Variants in NUBP1 observed in about 807,000 individuals in gnomAD.
NUBP1 encodes the protein NUBP iron-sulfur cluster assembly factor 1, cytosolic.
In NUBP1, 46 loss-of-function variants were observed where a neutral mutation model predicts 41.8. That is an observed-to-expected ratio of 1.10 (90% CI 0.87 to 1.41). NUBP1 has a LOEUF of 1.41. Among genes scored for constraint, NUBP1 ranks in the 40% most tolerant of loss-of-function variants. The probability of loss-of-function intolerance (pLI) is 0.00; values close to 1 mark genes in which losing one functional copy is unlikely to be tolerated. For synonymous variants in NUBP1, 189 were observed against 154.6 expected, an observed-to-expected ratio of 1.22 and a Z score of -1.65; for missense variants, 494 against 414.0, an observed-to-expected ratio of 1.19 and a Z score of -1.68.
intron 2 of NUBP1, among the ~76,000 whole-genome samples, chr16:10,744,850 C>G (rs1235289813): frequency 6.6e-6 from 1 of 150,872 alleles, no homozygotes; most frequent in Non-Finnish European, 1.5e-5. Context: ...TTTCACCTCT[C>G]AGGTTCAAGC....
intron 3 of NUBP1, among the ~76,000 whole-genome samples, chr16:10,751,367 G>A (rs914271484): frequency 1.3e-5 from 2 of 152,132 alleles, no homozygotes; most frequent in African/African-American, 4.8e-5. Context: ...CAGGTTTTCC[G>A]ATGATGTCGC....
intron 8 of NUBP1, 72 bp from the exon 9 acceptor site, chr16:10,761,685 C>G: frequency 1.9e-6 from 2 of 1,074,128 alleles, no homozygotes; most frequent in Non-Finnish European, 2.6e-6. Flanking sequence ...TTTTAAGTTT[C>G]TTTAAAATGT....
chr16:10,761,263 A>G (rs1347778403), intron 7 of NUBP1, 101 bp from the exon 8 acceptor site: 4 of 1,066,916 alleles, frequency 3.7e-6, no homozygotes, highest in East Asian at 5.1e-5. Context: ...CTAAGGCTTT[A>G]TGATCGCAGA....
chr16:10,764,375 G>C (rs2142792906), intron 9 of NUBP1, among the ~76,000 whole-genome samples: 1 of 152,038 alleles, frequency 6.6e-6, no homozygotes, highest in South Asian at 2.1e-4. Flanking sequence ...GAGTATGCCA[G>C]TCTGTTGGAG....
intron 7 of NUBP1, chr16:10,760,901 C>G (rs1272261799): frequency 8.9e-5 from 15 of 168,412 alleles, no homozygotes; most frequent in Admixed American, 8.5e-4. Context: ...AAAGAACTGC[C>G]TGAGACTGGG....
rs916616120 is a variant in NUBP1 at position 10,767,318 on chromosome 16, G to A, written c.821-631G>A. The A allele has an allele frequency of 3.3e-5, 13 of 399,510 alleles. No individual in the cohort carries two copies. The highest frequency in any genetic ancestry group is 7.1e-5 in the East Asian group (2 of 28,102). The allele number at this position is 399,510 out of a possible 1,614,324, so 24.7% of individuals were successfully genotyped here. On this transcript the variant is annotated intron_variant, in intron 9 of 10. Coordinates refer to ENST00000283027, the MANE Select transcript of NUBP1 (RefSeq NM_002484.4). This position sits in a 1 kb window ranked among gnomAD's most constrained non-coding sequence, Gnocchi z 4.6. ...AGAGAAACCTGGGTGTGCATAGGAG[G>A]GGACTGGAACAATGGCCACATGGCG...
chr16:10,758,174 T>G, intron 7 of NUBP1, 147 bp downstream of exon 7: 1 of 928,416 alleles, frequency 1.1e-6, no homozygotes, highest in African/African-American at 1.7e-5. Context: ...TGCAGAAACC[T>G]CGTGTTAAAA....
At position 10,759,155 on chromosome 16, in the gene NUBP1, G is replaced by A. The variant is rs1900770223; in HGVS notation, c.606+1128G>A. ...CCAGCACTCACTGAGCTCTGACTCT[G>A]ACATGCCGGGCACCAGGGCAGTAAA... On this transcript the variant is annotated intron_variant, in intron 7 of 10. Transcript: ENST00000283027. This position sits in a 1 kb window ranked among gnomAD's most constrained non-coding sequence, Gnocchi z 4.7. 6.6e-6 allele frequency among the ~76,000 whole-genome samples: 1 copy of A among 152,236 alleles called. No homozygotes were observed. Among genetic ancestry groups the A allele is most frequent in the African/African-American group, 2.4e-5 (1 of 41,460 alleles).
intron 4 of NUBP1, among the ~76,000 whole-genome samples, chr16:10,754,038 G>A (rs1900444017): frequency 6.6e-6 from 1 of 152,044 alleles, no homozygotes; most frequent in Non-Finnish European, 1.5e-5. Flanking sequence ...CACAGTGAAG[G>A]TATAAGCTAC....
At position 10,767,416 on chromosome 16, in the gene NUBP1, C is replaced by T. The variant is rs1252558664; in HGVS notation, c.821-533C>T. 5.0e-6 allele frequency: 2 copies of T among 399,912 alleles called. No homozygotes were observed. The highest frequency in any genetic ancestry group is 4.1e-5 in the African/African-American group (2 of 48,640). The allele number at this position is 399,912 out of a possible 1,614,324, so 24.8% of individuals were successfully genotyped here. A position where few individuals can be genotyped will look rare whatever the true frequency, so the allele number is the denominator to read the frequency against. On this transcript the variant is annotated intron_variant, in intron 9 of 10. Transcript: ENST00000283027. This position sits in a 1 kb window ranked among gnomAD's most constrained non-coding sequence, Gnocchi z 4.6. ...ATAAAATTATACACAGACAAAGCAG[C>T]AGGCAGAATGTGTGTGTCATGTGCT...
chr16:10,752,821 G>A (rs911693430), intron 4 of NUBP1, 143 bp downstream of exon 4: 10 of 707,656 alleles, frequency 1.4e-5, no homozygotes, highest in Admixed American at 9.7e-5. Flanking sequence ...TTGAGACAAG[G>A]TCTCACTCTT....
Position 10,767,645 on chromosome 16 carries a change from A to G in NUBP1, c.821-304A>G. 2.4e-6 allele frequency: 1 copy of G among 425,100 alleles called. No homozygotes were observed. The highest frequency in any genetic ancestry group is 4.0e-5 in the Admixed American group (1 of 24,730). 26.3% of individuals were successfully genotyped at this position (425,100 alleles called of 1,614,324 possible). The stretch of plus-strand genomic sequence containing the variant: ...TTCATGATCCTTTCACTCAAAAGCT[A>G]ATCTCTTAAAATGCAGACTCCTGGG... On this transcript the variant is annotated intron_variant, in intron 9 of 10. Transcript: ENST00000283027. The surrounding 1 kb of genome is among the most constrained non-coding windows in gnomAD (Gnocchi z 4.6).
chr16:10,761,941 C>T (rs1334181042), intron 9 of NUBP1, 82 bp downstream of exon 9: 3 of 1,060,654 alleles, frequency 2.8e-6, no homozygotes, highest in Non-Finnish European at 4.2e-6. Context: ...GGGGCGGCTA[C>T]AGAGAGGGGC....
chr16:10,754,627 T>G (rs1900471506), intron 4 of NUBP1, among the ~76,000 whole-genome samples: 1 of 152,126 alleles, frequency 6.6e-6, no homozygotes, highest in Admixed American at 6.5e-5. Context: ...GCAGAATAGG[T>G]CAGTCCACAG....
At position 10,759,725 on chromosome 16, in the gene NUBP1, G is replaced by A. The variant is rs1384516615; in HGVS notation, c.607-1639G>A. On this transcript the variant is annotated intron_variant, in intron 7 of 10. Transcript: ENST00000283027. This position sits in a 1 kb window ranked among gnomAD's most constrained non-coding sequence, Gnocchi z 4.7. ...CAGGAGACAGAGGTTGCAGTGAGCC[G>A]AGATCGCGCCACTGCACTCCAGCCT... Among the ~76,000 whole-genome samples, 1 of 152,126 alleles carries A rather than the reference G, an allele frequency of 6.6e-6. No homozygotes were observed. Among genetic ancestry groups the A allele is most frequent in the East Asian group, 1.9e-4 (1 of 5,184 alleles).
Position 10,761,654 on chromosome 16 carries a change from C to T in NUBP1, c.718-103C>T. The T allele has an allele frequency of 4.8e-6, 5 of 1,042,304 alleles. No homozygotes were observed. In the East Asian group the frequency reaches 7.6e-5, roughly 16 times the overall value. 64.6% of individuals were successfully genotyped at this position (1,042,304 alleles called of 1,614,324 possible). On this transcript the variant is annotated intron_variant, in intron 8 of 10. Coordinates refer to ENST00000283027, the MANE Select transcript of NUBP1 (RefSeq NM_002484.4). ...CTTTAGGTGTTAAGGGTTCCACATT[C>T]AAACTAAGCCTTTTTTTTTTTTTTA... is the stretch of plus-strand genomic sequence containing the variant.
At chr16:10,753,092 C>G (rs1056116537) in intron 4 of NUBP1, among the ~76,000 whole-genome samples, 1 of 149,858 alleles carries the variant, frequency 6.7e-6, no homozygotes, top group Non-Finnish European at 1.5e-5. Context: ...CCGCACCTGG[C>G]CTGTAAATGT....
chr16:10,746,911 G>A (rs151009822), intron 2 of NUBP1, among the ~76,000 whole-genome samples: 134 of 152,282 alleles, frequency 8.8e-4, no homozygotes, highest in African/African-American at 2.8e-3. Flanking sequence ...GTTCTAGTTG[G>A]GGGAGACAAA....
At chr16:10,747,301 G>T (rs1231810726) in intron 3 of NUBP1, 25 bp downstream of exon 3, 1 of 1,609,934 alleles carries the variant, frequency 6.2e-7, no homozygotes, top group East Asian at 2.2e-5. Context: ...ACCACTGGGA[G>T]ATGCTCATTT....
Sources: allele counts gnomAD v4.1 joint callset (sites outside exome capture counted in the v4.1 genomes callset), GRCh38; gene constraint gnomAD v4.1.1; non-coding constraint Gnocchi (gnomAD v3.1); transcripts MANE v1.5; gene names NCBI Gene and HGNC (gene_info 2026-07-23, HGNC 2026-07-21).